PLEKHA3: variants seen among roughly 807,000 people sequenced by gnomAD.
PLEKHA3 encodes pleckstrin homology domain containing A3.
Under a neutral mutation model 39.2 loss-of-function variants are expected in PLEKHA3, and 19 were observed. That is an observed-to-expected ratio of 0.48 (90% CI 0.34 to 0.71). The LOEUF (loss-of-function observed/expected upper bound fraction) is 0.71, where lower values mean the gene tolerates loss of function less well. Ranked by LOEUF, PLEKHA3 falls within the 30% of genes least tolerant of loss-of-function variation. The probability of loss-of-function intolerance (pLI) is 0.01; values close to 1 mark genes in which losing one functional copy is unlikely to be tolerated. For missense variants in PLEKHA3, 253 were observed against 359.5 expected, an observed-to-expected ratio of 0.70 and a Z score of 2.40; for synonymous variants, 97 against 118.6, an observed-to-expected ratio of 0.82 and a Z score of 1.18.
Position 178,503,757 on chromosome 2 carries a change from T to C in PLEKHA3, c.776-3T>C. ...TTTAACGTTTTTATCAATGTCTTCA[T>C]AGGACCTGTTCACTGTTCAAAAAAT... On this transcript the variant is annotated splice_polypyrimidine_tract_variant and splice_region_variant and intron_variant, in intron 7 of 7. Transcript: ENST00000234453. 1 of 1,590,348 alleles carries C rather than the reference T, an allele frequency of 6.3e-7. No individual in the cohort carries two copies.
chr2:178,481,441 G>A (rs988817767), intron 1 of PLEKHA3, among the ~76,000 whole-genome samples: 3 of 152,128 alleles, frequency 2.0e-5, no homozygotes, highest in African/African-American at 4.8e-5. Context: ...ATTCTCTTAG[G>A]GATTGTCATT....
At chr2:178,496,478 C>A (rs3769866) in intron 5 of PLEKHA3, among the ~76,000 whole-genome samples, 46,173 of 152,040 alleles carry the variant, frequency 0.3, 9,240 homozygotes, top group East Asian at 0.66. Context: ...GGTCTAACTT[C>A]TTCCTAGGTT....
Position 178,480,794 on chromosome 2 carries a change from G to A in PLEKHA3, c.-76G>A. ...GGGCCCGGGCGGGCCGGGAGGGGCT[G>A]CCCCAGGCCCTGCGCCTACCCCATC... On this transcript the variant is annotated 5_prime_UTR_variant, in exon 1 of 8. Coordinates refer to ENST00000234453, the MANE Select transcript of PLEKHA3 (RefSeq NM_019091.4). 1 of 1,252,828 alleles carries A rather than the reference G, an allele frequency of 8.0e-7. No individual in the cohort carries two copies. The highest frequency in any genetic ancestry group is 1.0e-6 in the Non-Finnish European group (1 of 972,748). 77.6% of individuals were successfully genotyped at this position (1,252,828 alleles called of 1,614,324 possible). A position where few individuals can be genotyped will look rare whatever the true frequency, so the allele number is the denominator to read the frequency against.
rs12623710 is a variant in PLEKHA3, at chr2:178,499,681, T to G, written c.659+427T>G. Reference sequence around the variant, plus strand: ...TGTTACAGTCACCCACAACATTCAGTACAGTAACATGCAGTAGAAGTTTGT... The same window carrying G: ...TGTTACAGTCACCCACAACATTCAGGACAGTAACATGCAGTAGAAGTTTGT... On this transcript the variant is annotated intron_variant, in intron 6 of 7. Transcript: ENST00000234453. 2.2e-4 allele frequency among the ~76,000 whole-genome samples: 33 copies of G among 152,272 alleles called. 2 individuals are homozygous for G. In the East Asian group the frequency reaches 6.4e-3, roughly 29 times the overall value.
intron 3 of PLEKHA3, among the ~76,000 whole-genome samples, chr2:178,492,336 A>G (rs1490031077): frequency 1.3e-5 from 2 of 152,084 alleles, no homozygotes; most frequent in Non-Finnish European, 2.9e-5. Context: ...AAATAACCCA[A>G]ATGTTCATTG....
chr2:178,506,807 G>A lies in PLEKHA3; in HGVS notation c.*2920G>A, dbSNP rs536220241. The A allele has an allele frequency of 3.9e-5, 6 of 152,372 alleles. No homozygotes were observed. The highest frequency in any genetic ancestry group is 1.4e-4 in the African/African-American group (6 of 41,582). The allele number at this position is 152,372 out of a possible 1,614,324, so 9.4% of individuals were successfully genotyped here. A position where few individuals can be genotyped will look rare whatever the true frequency, so the allele number is the denominator to read the frequency against. On this transcript the variant is annotated 3_prime_UTR_variant, in exon 8 of 8. Coordinates refer to ENST00000234453, the MANE Select transcript of PLEKHA3 (RefSeq NM_019091.4). ...AAGAAAGCCAGATTAGGCTGCAGGA[G>A]TTCCTTTGAGGAGGTCTGTCTTTTA...
At position 178,509,276 on chromosome 2, in the gene PLEKHA3, A is replaced by C. The variant is rs1366249226; in HGVS notation, c.*5389A>C. The C allele has an allele frequency of 6.6e-6, 1 of 152,162 alleles. No individual in the cohort carries two copies. Among genetic ancestry groups the C allele is most frequent in the Admixed American group, 6.5e-5 (1 of 15,276 alleles). 9.4% of individuals were successfully genotyped at this position (152,162 alleles called of 1,614,324 possible). A position where few individuals can be genotyped will look rare whatever the true frequency, so the allele number is the denominator to read the frequency against. ...AAATTCTAATAGTGTATAAAAAATA[A>C]AAATTCTTTAGTATTAATTTGTAAT... is the stretch of plus-strand genomic sequence containing the variant. On this transcript the variant is annotated 3_prime_UTR_variant, in exon 8 of 8. Coordinates refer to ENST00000234453, the MANE Select transcript of PLEKHA3 (RefSeq NM_019091.4).
In PLEKHA3 at chr2:178,503,801, G is replaced by A. The variant is rs145044786; in HGVS notation, c.817G>A (p.Ala273Thr). ...AAAAAATACACTTAATGGAGATTTG[G>A]CATCAGCAACCATTCCTGAAGAAAG... ...CSKNTLNGDLASATIPEESRL... is the reference protein window; with the variant it reads ...CSKNTLNGDLTSATIPEESRL... Residue 273 changes from alanine to threonine, a missense_variant, in exon 8 of 8, where the codon GCA becomes ACA. Around this residue, in one of 2 missense-constraint regions of PLEKHA3, gnomAD observed 127 missense variants for 136.8 expected, o/e 0.93. Transcript: ENST00000234453. The A allele has an allele frequency of 1.6e-3, 2,587 of 1,611,772 alleles. 45 individuals carry two copies. The South Asian group carries it at 0.018, about 11-fold the overall frequency.
At chr2:178,496,439 AC>A in intron 5 of PLEKHA3, among the ~76,000 whole-genome samples, 1 of 152,198 alleles carries the variant, frequency 6.6e-6, no homozygotes, top group East Asian at 1.9e-4. Flanking sequence ...TTCAGCAATT[AC>A]CTGAAGATCT....
chr2:178,501,356 A>G (rs189712139), intron 7 of PLEKHA3, among the ~76,000 whole-genome samples, 180 bp downstream of exon 7: 24 of 152,114 alleles, frequency 1.6e-4, no homozygotes, highest in Middle Eastern at 3.4e-3. Context: ...CCTTACAAAC[A>G]GGTTTGTTAC....
chr2:178,495,811 T>C (rs1036503508), intron 5 of PLEKHA3, 151 bp downstream of exon 5: 2 of 800,030 alleles, frequency 2.5e-6, no homozygotes, highest in African/African-American at 3.5e-5. Flanking sequence ...TACTGTTTCA[T>C]ATTCGAGCTT....
rs982430195 is a variant in PLEKHA3 at position 178,515,004 on chromosome 2, G to A, written c.*11117G>A. ...GACTTGAGTGAGGAAGCTATATACC[G>A]ATGACTTACCAATTTTTGGTCTTAT... is the stretch of plus-strand genomic sequence containing the variant. On this transcript the variant is annotated 3_prime_UTR_variant, in exon 8 of 8. Coordinates refer to ENST00000234453, the MANE Select transcript of PLEKHA3 (RefSeq NM_019091.4). 5 of 150,000 alleles carry A rather than the reference G, an allele frequency of 3.3e-5. No individual in the cohort carries two copies. The highest frequency in any genetic ancestry group is 5.9e-5 in the Non-Finnish European group (4 of 67,712). The allele number at this position is 150,000 out of a possible 1,614,324, so 9.3% of individuals were successfully genotyped here.
Position 178,493,885 on chromosome 2 carries a change from A to G in PLEKHA3, c.346A>G (p.Lys116Glu). ...ISETSESLKT[K>E]MSELRLYCDL... is the part of the protein sequence containing the mutation. ...TGAAACCAGTGAATCGCTGAAAACC[A>G]AAATGTCTGAACTTCGCCTCTACTG... The change falls in exon 4 of 8, where the codon AAA (lysine) becomes GAA (glutamate). Residue 116 changes from lysine (K) to glutamate (E), a missense_variant. This residue lies in a region of PLEKHA3 where 126 missense variants were observed against 222.7 expected (regional missense o/e 0.57). Coordinates refer to ENST00000234453, the MANE Select transcript of PLEKHA3 (RefSeq NM_019091.4). 1 of 1,613,866 alleles carries G rather than the reference A, an allele frequency of 6.2e-7. No individual in the cohort carries two copies. Among genetic ancestry groups the G allele is most frequent in the Non-Finnish European group, 8.5e-7 (1 of 1,179,822 alleles).
intron 3 of PLEKHA3, among the ~76,000 whole-genome samples, 193 bp downstream of exon 3, chr2:178,491,007 TTTC>T (rs1411049664): frequency 1.4e-3 from 199 of 143,796 alleles, no homozygotes; most frequent in African/African-American, 4.6e-3. Context: ...AAACTCTTTC[TTTC>T]TTTTTTTTTT....
intron 1 of PLEKHA3, among the ~76,000 whole-genome samples, 173 bp from the exon 2 acceptor site, chr2:178,485,460 AATAAAGTG>A (rs1685234175): frequency 2.6e-5 from 4 of 152,194 alleles, no homozygotes. Flanking sequence ...AACCTCTCCC[AATAAAGTG>A]GAGACTGATG....
chr2:178,501,465 A>G (rs539239276), intron 7 of PLEKHA3, among the ~76,000 whole-genome samples: 112 of 152,140 alleles, frequency 7.4e-4, no homozygotes, highest in African/African-American at 2.6e-3. Context: ...CTTAAAAAAC[A>G]TTTTAGAAGA....
In PLEKHA3 at chr2:178,505,331, T is replaced by G. The variant is rs1685587535; in HGVS notation, c.*1444T>G. On this transcript the variant is annotated 3_prime_UTR_variant, in exon 8 of 8. Coordinates refer to ENST00000234453, the MANE Select transcript of PLEKHA3 (RefSeq NM_019091.4). ...AACTGTAATTATAGGCCTTCCATCT[T>G]AAGTTTAAGATGGACATAAACAGTC... The G allele has an allele frequency of 2.0e-5, 3 of 151,924 alleles. No homozygotes were observed. Among genetic ancestry groups the G allele is most frequent in the Non-Finnish European group, 4.4e-5 (3 of 67,856 alleles). The allele number at this position is 151,924 out of a possible 1,614,324, so 9.4% of individuals were successfully genotyped here. A position where few individuals can be genotyped will look rare whatever the true frequency, so the allele number is the denominator to read the frequency against.
intron 7 of PLEKHA3, 114 bp from the exon 8 acceptor site, chr2:178,503,646 G>C (rs1331225242): frequency 1.8e-6 from 2 of 1,116,800 alleles, no homozygotes; most frequent in African/African-American, 3.1e-5. Context: ...TACAAAATTA[G>C]CCAGAAGCTA....
In PLEKHA3 at chr2:178,505,493, T is replaced by C. The variant is rs567092092; in HGVS notation, c.*1606T>C. The C allele has an allele frequency of 4.6e-5, 7 of 151,284 alleles. No individual in the cohort carries two copies. In the South Asian group the frequency reaches 1.5e-3, roughly 31 times the overall value. The allele number at this position is 151,284 out of a possible 1,614,324, so 9.4% of individuals were successfully genotyped here. Reference sequence around the variant, plus strand: ...ATAAGTTGTACTTCATATGTCTAATTTGAAAAAAAAAGTTTGATAATGTAG... The same window carrying C: ...ATAAGTTGTACTTCATATGTCTAATCTGAAAAAAAAAGTTTGATAATGTAG... On this transcript the variant is annotated 3_prime_UTR_variant, in exon 8 of 8. Coordinates refer to ENST00000234453, the MANE Select transcript of PLEKHA3 (RefSeq NM_019091.4).
Sources: gnomAD v4.1 joint callset for allele counts (sites outside exome capture counted in the v4.1 genomes callset) on GRCh38, gnomAD v4.1.1 for gene constraint, gnomAD v4.1.1 regional missense constraint, MANE v1.5 for transcripts, NCBI Gene and HGNC (gene_info 2026-07-23, HGNC 2026-07-21) for gene names.